The following MATN1 variants were observed in gnomAD, a reference collection of about 807,000 sequenced individuals.
MATN1 encodes the protein matrilin-1.
A neutral mutation model predicts 41.3 loss-of-function variants in MATN1; 34 were observed. The ratio of observed to expected loss-of-function variants is 0.82; its 90% confidence interval spans 0.63 to 1.10. The LOEUF (loss-of-function observed/expected upper bound fraction) is 1.10, where lower values mean the gene tolerates loss of function less well. MATN1 is among the 50% of genes least tolerant of loss of function. The pLI, the probability that MATN1 is intolerant of heterozygous loss-of-function variation, is 0.00. For missense variants in MATN1, 602 were observed against 662.4 expected, an observed-to-expected ratio of 0.91 and a Z score of 1.00; for synonymous variants, 264 against 278.7, an observed-to-expected ratio of 0.95 and a Z score of 0.53.
chr1:30,713,705 C>T (rs1639582459), intron 7 of MATN1, 74 bp from the exon 8 acceptor site: 3 of 1,104,032 alleles, frequency 2.7e-6, no homozygotes, highest in Admixed American at 4.0e-5. Flanking sequence ...GCACTCAGGC[C>T]CCTGCAACAC....
intron 4 of MATN1, 59 bp downstream of exon 4, chr1:30,716,731 G>A: frequency 6.3e-7 from 1 of 1,591,730 alleles, no homozygotes; most frequent in Non-Finnish European, 8.6e-7. Flanking sequence ...TTCCTGGGGA[G>A]GCCCCATCAC....
At chr1:30,715,459 T>C in intron 5 of MATN1, 150 bp from the exon 6 acceptor site, 4 of 704,608 alleles carry the variant, frequency 5.7e-6, no homozygotes, top group Non-Finnish European at 9.6e-6. Flanking sequence ...ACAAGGACAA[T>C]GAGAAAATCA....
chr1:30,717,069 C>T (rs1639627739), intron 3 of MATN1, among the ~76,000 whole-genome samples, 154 bp from the exon 4 acceptor site: 1 of 152,214 alleles, frequency 6.6e-6, no homozygotes, highest in Non-Finnish European at 1.5e-5. Context: ...CGACTCTCAG[C>T]CCACGTCTGG....
chr1:30,716,940 A>C (rs752133773), intron 3 of MATN1, 25 bp from the exon 4 acceptor site: 2 of 1,603,290 alleles, frequency 1.2e-6, no homozygotes, highest in South Asian at 2.2e-5. Flanking sequence ...AGTAGCTCAG[A>C]TCTCACAGTC....
At chr1:30,717,195 A>C (rs1024359097) in intron 3 of MATN1, among the ~76,000 whole-genome samples, 2 of 152,258 alleles carry the variant, frequency 1.3e-5, no homozygotes, top group African/African-American at 4.8e-5. Context: ...TGTTTAGTTC[A>C]CTGCTGTATC....
At chr1:30,722,271 C>A (rs1445213891) in intron 1 of MATN1, among the ~76,000 whole-genome samples, 3 of 152,274 alleles carry the variant, frequency 2.0e-5, no homozygotes, top group African/African-American at 4.8e-5. Flanking sequence ...GTCAACATGG[C>A]CTCTTTCATC....
intron 6 of MATN1, among the ~76,000 whole-genome samples, chr1:30,714,841 C>T (rs1458596704): frequency 6.6e-6 from 1 of 152,154 alleles, no homozygotes; most frequent in African/African-American, 2.4e-5. Flanking sequence ...CTTGGCTCTC[C>T]CAGCTATTAA....
In MATN1 at chr1:30,718,792, C is replaced by T. The variant is rs368571090; in HGVS notation, c.607G>A (p.Val203Met). ...TTCTCGATGACGCTGTAGCTCTCCACGTAATCGACGTGTTCGTCCTGCGGC... is the reference window on the plus strand; with the variant it reads ...TTCTCGATGACGCTGTAGCTCTCCATGTAATCGACGTGTTCGTCCTGCGGC... ...SEPQDEHVDYVESYSVIEKLS... is the reference protein window; with the variant it reads ...SEPQDEHVDYMESYSVIEKLS... Residue 203 changes from valine (V) to methionine (M), a missense_variant, in exon 3 of 8, where the codon GTG becomes ATG. Coordinates refer to ENST00000373765, the MANE Select transcript of MATN1 (RefSeq NM_002379.3). 1.2e-6 allele frequency: 2 copies of T among 1,610,538 alleles called. No homozygotes were observed. Among genetic ancestry groups the T allele is most frequent in the Non-Finnish European group, 1.7e-6 (2 of 1,178,670 alleles).
At chr1:30,717,195 A>T (rs1024359097) in intron 3 of MATN1, among the ~76,000 whole-genome samples, 1 of 152,258 alleles carries the variant, frequency 6.6e-6, no homozygotes, top group African/African-American at 2.4e-5. Context: ...TGTTTAGTTC[A>T]CTGCTGTATC....
At chr1:30,714,214 T>TCCCCAG (rs766869724) in intron 7 of MATN1, 33 bp downstream of exon 7, 13 of 857,314 alleles carry the variant, frequency 1.5e-5, no homozygotes, top group South Asian at 9.7e-5. Flanking sequence ...CCTGCGCCCC[T>TCCCCAG]CCCCAGCCCC....
chr1:30,717,880 C>T (rs930830750), intron 3 of MATN1, among the ~76,000 whole-genome samples: 2 of 152,154 alleles, frequency 1.3e-5, no homozygotes, highest in Non-Finnish European at 2.9e-5. Context: ...GTCTCGATCT[C>T]CTGACTTCGT....
rs781008601 is a variant in MATN1, at chr1:30,716,145, C to A, written c.971G>T (p.Arg324Leu). The A allele has an allele frequency of 1.2e-6, 2 of 1,614,190 alleles. No individual in the cohort carries two copies. Among genetic ancestry groups the A allele is most frequent in the Non-Finnish European group, 1.7e-6 (2 of 1,180,028 alleles). Residue 324 changes from arginine to leucine, a missense_variant, in exon 5 of 8, where the codon CGC becomes CTC. By Grantham distance (102) the Arg-to-Leu change is moderately radical (BLOSUM62 -2). Coordinates refer to ENST00000373765, the MANE Select transcript of MATN1 (RefSeq NM_002379.3). Reference sequence around the variant, plus strand: ...GAAGCGACCCAGGGGGAACTCCTGGCGCACAGAGCTTGAGTACTGCACCAG... The same window carrying A: ...GAAGCGACCCAGGGGGAACTCCTGGAGCACAGAGCTTGAGTACTGCACCAG... ...VGLVQYSSSV[R>L]QEFPLGRFHT...
chr1:30,721,206 G>A, intron 2 of MATN1, 199 bp downstream of exon 2: 1 of 600,274 alleles, frequency 1.7e-6, no homozygotes, highest in Non-Finnish European at 2.9e-6. Flanking sequence ...GTTGGGTAAA[G>A]GTGGCTTCAA....
intron 2 of MATN1, 159 bp from the exon 3 acceptor site, chr1:30,719,116 TC>T (rs1369043465): frequency 3.7e-6 from 2 of 545,330 alleles, no homozygotes; most frequent in African/African-American, 4.0e-5. Context: ...GAGACCCGTT[TC>T]CTCTGACTGA....
intron 7 of MATN1, 63 bp downstream of exon 7, chr1:30,714,184 C>T: frequency 7.3e-7 from 1 of 1,365,412 alleles, no homozygotes; most frequent in South Asian, 1.3e-5. Flanking sequence ...GGGCCATGCC[C>T]CCGCCTCCCC....
At chr1:30,722,106 G>A (rs1310078306) in intron 1 of MATN1, among the ~76,000 whole-genome samples, 2 of 152,220 alleles carry the variant, frequency 1.3e-5, no homozygotes, top group Admixed American at 1.3e-4. Flanking sequence ...TATTCCAGGG[G>A]TGGCAAAGGA....
chr1:30,719,075 C>T (rs893899654), intron 2 of MATN1, 118 bp from the exon 3 acceptor site: 29 of 773,064 alleles, frequency 3.8e-5, no homozygotes, highest in Non-Finnish European at 5.3e-5. Context: ...CAGGCGGCAC[C>T]CGGGGGAAGA....
At chr1:30,718,683 G>T (rs935315569) in intron 3 of MATN1, 52 bp downstream of exon 3, 8 of 1,046,062 alleles carry the variant, frequency 7.6e-6, no homozygotes, top group African/African-American at 2.0e-5. Context: ...CCGCCCCGCC[G>T]CTCTCCCCTT....
At position 30,717,642 on chromosome 1, in the gene MATN1, G is replaced by GTTTTTTTTTTTTTTT. The variant is rs751915676; in HGVS notation, c.665-728_665-727insAAAAAAAAAAAAAAA. On this transcript the variant is annotated intron_variant, in intron 3 of 7. Coordinates refer to ENST00000373765, the MANE Select transcript of MATN1 (RefSeq NM_002379.3). ...GGCTCTGTTGTTTTTTGTGTGTGCG[G>GTTTTTTTTTTTTTTT]TTTTTTTTTTTGTTTTGTTTTTTTT... 5.5e-5 allele frequency among the ~76,000 whole-genome samples: 6 copies of GTTTTTTTTTTTTTTT among 109,978 alleles called. 2 individuals carry two copies. Among genetic ancestry groups the GTTTTTTTTTTTTTTT allele is most frequent in the East Asian group, 2.6e-4 (1 of 3,906 alleles). 72.1% of individuals were successfully genotyped at this position (109,978 alleles called of 152,430 possible). A position where few individuals can be genotyped will look rare whatever the true frequency, so the allele number is the denominator to read the frequency against.
Sources: allele counts gnomAD v4.1 joint callset (sites outside exome capture counted in the v4.1 genomes callset), GRCh38; gene constraint gnomAD v4.1.1; transcripts MANE v1.5; gene names NCBI Gene and HGNC (gene_info 2026-07-23, HGNC 2026-07-21).